The following FBN2 variants were observed in gnomAD, a reference collection of about 807,000 sequenced individuals.
The protein encoded by FBN2 is fibrillin 2.
Under a neutral mutation model 355.6 loss-of-function variants are expected in FBN2, and 105 were observed. That is an observed-to-expected ratio of 0.30 (90% confidence interval 0.25 to 0.35). The LOEUF is 0.35. Among genes scored for constraint, FBN2 ranks in the 10% least tolerant of loss-of-function variants. FBN2 has a pLI of 1.00. For synonymous variants in FBN2, 1,350 were observed against 1,301.2 expected (o/e 1.04, Z -0.81); for missense variants, 3,280 against 3,758.7 (o/e 0.87, Z 3.33).
In FBN2 at chr5:128,427,455, A is replaced by T. The variant is rs73784597; in HGVS notation, c.953-18656T>A. ...AAGGATCTGCTGGCACATAGACCTC[A>T]GACCAAGGGGAACTGAGGACTGAAC... On this transcript the variant is annotated intron_variant, in intron 7 of 64. Transcript: ENST00000262464. Among the ~76,000 whole-genome samples the T allele has an allele frequency of 4.7e-3, 720 of 152,308 alleles. 6 individuals are homozygous for T. The highest frequency in any genetic ancestry group is 0.017 in the African/African-American group (687 of 41,582).
At chr5:128,477,330 G>A (rs1015912931) in intron 5 of FBN2, among the ~76,000 whole-genome samples, 2 of 152,202 alleles carry the variant, frequency 1.3e-5, no homozygotes, top group East Asian at 1.9e-4. Context: ...GAGAAATGGG[G>A]AATATCACAG....
intron 25 of FBN2, 180 bp from the exon 26 acceptor site, chr5:128,339,241 C>T (rs1750933068): frequency 1.6e-6 from 1 of 609,588 alleles, no homozygotes; most frequent in Non-Finnish European, 3.0e-6. Context: ...CCCCAACTGC[C>T]AAAACTGCCA....
chr5:128,320,856 C>T (rs1750350403), intron 34 of FBN2, among the ~76,000 whole-genome samples: 2 of 152,040 alleles, frequency 1.3e-5, no homozygotes, highest in South Asian at 4.1e-4. Context: ...TGGCTTTATG[C>T]TAAAGTTGAA....
At chr5:128,407,907 C>CTAGT (rs1332595749) in intron 8 of FBN2, among the ~76,000 whole-genome samples, 1 of 152,206 alleles carries the variant, frequency 6.6e-6, no homozygotes, top group East Asian at 1.9e-4. Context: ...CGGCCACCCT[C>CTAGT]TAGTGGACCA....
intron 45 of FBN2, among the ~76,000 whole-genome samples, chr5:128,303,333 G>C (rs1425419379): frequency 6.6e-6 from 1 of 152,086 alleles, no homozygotes; most frequent in Non-Finnish European, 1.5e-5. Flanking sequence ...ACAATACTCA[G>C]ACATAGCCTA....
At chr5:128,513,378 T>C (rs1197692934) in intron 5 of FBN2, among the ~76,000 whole-genome samples, 1 of 152,250 alleles carries the variant, frequency 6.6e-6, no homozygotes, top group Non-Finnish European at 1.5e-5. Flanking sequence ...TCTACACCAA[T>C]TAACCTCTAA....
rs545855797 is a variant in FBN2 at position 128,395,161 on chromosome 5, T to C, written c.1192A>G (p.Ile398Val). The C allele has an allele frequency of 4.3e-6, 7 of 1,614,156 alleles. No homozygotes were observed. In the African/African-American group the frequency reaches 5.3e-5, roughly 12 times the overall value. Reference sequence around the variant, plus strand: ...GGACAGGCTTCAGGAATGGTTCCGATGCCCCAGCAGCGGCCAGGCTCACAG... The same window carrying C: ...GGACAGGCTTCAGGAATGGTTCCGACGCCCCAGCAGCGGCCAGGCTCACAG... Reference protein sequence around the residue: ...CCCEPGRCWGIGTIPEACPVR... With the variant: ...CCCEPGRCWGVGTIPEACPVR... The change falls in exon 9 of 65, where the codon ATC becomes GTC. Residue 398 changes from isoleucine (I) to valine (V), a missense_variant. This residue lies in a region of FBN2 where 343 missense variants were observed against 331.0 expected (regional missense o/e 1.04). Transcript: ENST00000262464.
intron 18 of FBN2, among the ~76,000 whole-genome samples, chr5:128,364,313 G>A (rs544307169): frequency 1.3e-5 from 2 of 151,638 alleles, no homozygotes; most frequent in Non-Finnish European, 1.5e-5. Flanking sequence ...CAAATTCTTC[G>A]TAAAAAATTA....
chr5:128,517,098 A>T (rs946345224), intron 5 of FBN2, among the ~76,000 whole-genome samples: 3 of 152,210 alleles, frequency 2.0e-5, no homozygotes, highest in African/African-American at 7.2e-5. Context: ...ATGCTACTGT[A>T]CATGTAAAAT....
Position 128,350,018 on chromosome 5 carries a change from C to A in FBN2, c.2813-13G>T. 4.3e-6 allele frequency: 7 copies of A among 1,611,182 alleles called. No individual in the cohort carries two copies. The highest frequency in any genetic ancestry group is 5.9e-6 in the Non-Finnish European group (7 of 1,177,316). ...GGGCAAGCTGTATCTGTAACAACAA[C>A]AGGACAAATTTTACTTCATTATAGA... On this transcript the variant is annotated splice_polypyrimidine_tract_variant and intron_variant, in intron 21 of 64. Coordinates refer to ENST00000262464, the MANE Select transcript of FBN2 (RefSeq NM_001999.4).
chr5:128,367,512 AT>A (rs1419945771), intron 16 of FBN2, among the ~76,000 whole-genome samples: 1 of 152,040 alleles, frequency 6.6e-6, no homozygotes, highest in Admixed American at 6.6e-5. Flanking sequence ...AAATAAAAAT[AT>A]TTTTCCAGAT....
Position 128,537,785 on chromosome 5 carries a change from C to T in FBN2, c.-182G>A. On this transcript the variant is annotated 5_prime_UTR_variant, in exon 1 of 65. Transcript: ENST00000262464. ...ACAGAGCGCCGGCCCCCTGACTGCC[C>T]GCGAAGCGAGACGCGGGGCGCCGGG... 1.5e-6 allele frequency: 1 copy of T among 646,292 alleles called. No homozygotes were observed. The highest frequency in any genetic ancestry group is 2.7e-6 in the Non-Finnish European group (1 of 377,118). The allele number at this position is 646,292 out of a possible 1,614,324, so 40.0% of individuals were successfully genotyped here.
chr5:128,362,225 A>G (rs1181743516), intron 18 of FBN2, among the ~76,000 whole-genome samples: 1 of 152,210 alleles, frequency 6.6e-6, no homozygotes, highest in African/African-American at 2.4e-5. Context: ...AATAAAAGTA[A>G]CAGAAGGCAT....
intron 15 of FBN2, among the ~76,000 whole-genome samples, chr5:128,371,917 G>A (rs1751955055): frequency 6.6e-6 from 1 of 152,148 alleles, no homozygotes; most frequent in African/African-American, 2.4e-5. Context: ...AAATATGTAT[G>A]TATGCAAAAT....
At chr5:128,383,041 A>G (rs1299627498) in intron 11 of FBN2, among the ~76,000 whole-genome samples, 2 of 152,084 alleles carry the variant, frequency 1.3e-5, no homozygotes, top group African/African-American at 4.8e-5. Context: ...ATAGATCCCT[A>G]AGAGAAGGAA....
intron 36 of FBN2, among the ~76,000 whole-genome samples, chr5:128,316,706 G>A (rs886130631): frequency 3.3e-5 from 5 of 152,186 alleles, no homozygotes; most frequent in Non-Finnish European, 7.3e-5. Flanking sequence ...TATATGAAGT[G>A]TAAAGTGGCA....
At chr5:128,313,219 A>C (rs1396371907) in intron 36 of FBN2, among the ~76,000 whole-genome samples, 2 of 150,104 alleles carry the variant, frequency 1.3e-5, no homozygotes, top group African/African-American at 4.8e-5. Context: ...AACTTAGAGA[A>C]GATACTTAAG....
chr5:128,344,388 T>TG lies in FBN2; in HGVS notation c.3339dup (p.Thr1114HisfsTer11). The TG allele has an allele frequency of 6.2e-7, 1 of 1,614,068 alleles. No individual in the cohort carries two copies. The highest frequency in any genetic ancestry group is 8.5e-7 in the Non-Finnish European group (1 of 1,179,924). ...TAAAACAGCAGAACCATCTTACCCGTGCAGTTTCTTTCCTCCATGTCTAGA... is the reference window on the plus strand; with the variant it reads ...TAAAACAGCAGAACCATCTTACCCGTGGCAGTTTCTTTCCTCCATGTCTAGA... On this transcript the variant is annotated frameshift_variant, in exon 25 of 65. Transcript: ENST00000262464. LOFTEE classifies it high-confidence loss of function.
intron 15 of FBN2, among the ~76,000 whole-genome samples, chr5:128,371,665 C>T (rs1266511750): frequency 6.6e-6 from 1 of 152,070 alleles, no homozygotes; most frequent in Non-Finnish European, 1.5e-5. Flanking sequence ...TCCTGAGTAG[C>T]TGGGATTACA....
Sources: allele counts gnomAD v4.1 joint callset (sites outside exome capture counted in the v4.1 genomes callset), GRCh38; gene constraint gnomAD v4.1.1; regional missense constraint gnomAD v4.1.1; transcripts MANE v1.5; gene names NCBI Gene and HGNC (gene_info 2026-07-23, HGNC 2026-07-21).